The following KIAA0825 variants were observed in gnomAD, a reference collection of about 807,000 sequenced individuals.
KIAA0825 encodes KIAA0825.
Under a neutral mutation model 147.6 loss-of-function variants are expected in KIAA0825, and 119 were observed. The ratio of observed to expected loss-of-function variants is 0.81; its 90% CI spans 0.69 to 0.94. The LOEUF (loss-of-function observed/expected upper bound fraction) is 0.94, where lower values mean the gene tolerates loss of function less well. Among genes scored for constraint, KIAA0825 ranks in the 40% least tolerant of loss-of-function variants. The pLI, the probability that KIAA0825 is intolerant of heterozygous loss-of-function variation, is 0.00. For synonymous variants in KIAA0825, 470 were observed against 518.1 expected, an observed-to-expected ratio of 0.91 and a Z score of 1.26; for missense variants, 1,381 against 1,472.7, an observed-to-expected ratio of 0.94 and a Z score of 1.02.
intron 2 of KIAA0825, among the ~76,000 whole-genome samples, chr5:94,552,410 C>T (rs1293699643): frequency 6.6e-6 from 1 of 152,046 alleles, no homozygotes; most frequent in East Asian, 1.9e-4. Context: ...ACAAAATAGA[C>T]CTAATAGATA....
At chr5:94,557,455 G>A (rs1235211312) in intron 2 of KIAA0825, among the ~76,000 whole-genome samples, 1 of 149,824 alleles carries the variant, frequency 6.7e-6, no homozygotes, top group African/African-American at 2.5e-5. Flanking sequence ...GATATACAAT[G>A]AGGGTCCATT....
intron 20 of KIAA0825, among the ~76,000 whole-genome samples, chr5:94,210,462 G>A (rs1413815507): frequency 2.0e-5 from 3 of 152,132 alleles, no homozygotes; most frequent in Non-Finnish European, 4.4e-5. Flanking sequence ...ATGTAACAGT[G>A]AACTCATCAA....
intron 1 of KIAA0825, among the ~76,000 whole-genome samples, chr5:94,592,152 C>A (rs756706953): frequency 5.9e-5 from 9 of 152,186 alleles, no homozygotes; most frequent in Non-Finnish European, 1.5e-5. Flanking sequence ...CTCATTTCAG[C>A]ATTAACTCAA....
At chr5:94,375,581 C>T (rs779861624) in intron 20 of KIAA0825, among the ~76,000 whole-genome samples, 2 of 152,116 alleles carry the variant, frequency 1.3e-5, no homozygotes, top group Non-Finnish European at 2.9e-5. Context: ...GTCAATTTCT[C>T]AAATTCTAAC....
intron 20 of KIAA0825, among the ~76,000 whole-genome samples, chr5:94,220,078 TTC>T (rs1773548682): frequency 6.6e-6 from 1 of 152,216 alleles, no homozygotes; most frequent in Admixed American, 6.5e-5. Flanking sequence ...GTGCAAAAAA[TTC>T]TTTCTCCATA....
chr5:94,561,946 A>C (rs1777629036), intron 2 of KIAA0825, among the ~76,000 whole-genome samples: 2 of 152,214 alleles, frequency 1.3e-5, no homozygotes, highest in African/African-American at 4.8e-5. Flanking sequence ...TATTAAACAG[A>C]AAAAAGTCAC....
intron 15 of KIAA0825, among the ~76,000 whole-genome samples, chr5:94,407,070 A>G (rs1270210987): frequency 2.0e-5 from 3 of 152,224 alleles, no homozygotes; most frequent in African/African-American, 7.2e-5. Context: ...AAGAAATAAA[A>G]GAAAAGAAAA....
intron 15 of KIAA0825, among the ~76,000 whole-genome samples, chr5:94,412,690 C>T (rs181387990): frequency 2.6e-5 from 4 of 151,998 alleles, no homozygotes; most frequent in Admixed American, 1.3e-4. Flanking sequence ...TGAGCCACCA[C>T]GCCCGGCCAG....
At chr5:94,266,772 TAATTGGTTTATTGTTA>T (rs1776755388) in intron 20 of KIAA0825, among the ~76,000 whole-genome samples, 1 of 152,210 alleles carries the variant, frequency 6.6e-6, no homozygotes, top group Non-Finnish European at 1.5e-5. Context: ...TGTTAATATG[TAATTGGTTTATTGTTA>T]TTTTCAAGTG....
At chr5:94,435,051 T>C (rs1652710662) in intron 14 of KIAA0825, among the ~76,000 whole-genome samples, 1 of 152,138 alleles carries the variant, frequency 6.6e-6, no homozygotes, top group Admixed American at 6.6e-5. Context: ...TATTTCTGCA[T>C]TTTTATTCCT....
At chr5:94,504,746 C>CTTTTTTT (rs564291886) in intron 5 of KIAA0825, among the ~76,000 whole-genome samples, 14 of 122,976 alleles carry the variant, frequency 1.1e-4, no homozygotes, top group Non-Finnish European at 1.6e-4. Flanking sequence ...TTTTTCTTTT[C>CTTTTTTT]TTTTTTTTTT....
chr5:94,451,680 CA>C (rs1226313092), intron 13 of KIAA0825, among the ~76,000 whole-genome samples: 1 of 152,112 alleles, frequency 6.6e-6, no homozygotes, highest in Non-Finnish European at 1.5e-5. Context: ...TGCTGATTTC[CA>C]GGACTCTAGC....
intron 20 of KIAA0825, among the ~76,000 whole-genome samples, chr5:94,348,095 A>C (rs138759414): frequency 2.2e-3 from 331 of 152,262 alleles, no homozygotes; most frequent in African/African-American, 7.6e-3. Flanking sequence ...ACAAAGACAA[A>C]GAAAAAAGAA....
chr5:94,456,962 T>C (rs182188599), intron 12 of KIAA0825, among the ~76,000 whole-genome samples: 3 of 152,314 alleles, frequency 2.0e-5, no homozygotes, highest in Admixed American at 6.5e-5. Flanking sequence ...TGACAAACCA[T>C]TGGCAATATG....
chr5:94,509,907 C>A (rs1766247571), intron 5 of KIAA0825, among the ~76,000 whole-genome samples: 1 of 152,132 alleles, frequency 6.6e-6, no homozygotes, highest in Non-Finnish European at 1.5e-5. Flanking sequence ...AAAAGTACAT[C>A]CTCTTCAGAT....
intron 1 of KIAA0825, among the ~76,000 whole-genome samples, chr5:94,587,422 A>G (rs1005067570): frequency 6.6e-6 from 1 of 152,228 alleles, no homozygotes; most frequent in Non-Finnish European, 1.5e-5. Context: ...GAGCCAAATC[A>G]TGAGTGAAAT....
At chr5:94,559,320 C>T (rs1439049564) in intron 2 of KIAA0825, among the ~76,000 whole-genome samples, 6 of 152,168 alleles carry the variant, frequency 3.9e-5, no homozygotes, top group Non-Finnish European at 8.8e-5. Context: ...AAGATCCCTT[C>T]TCTCCTAACT....
intron 7 of KIAA0825, among the ~76,000 whole-genome samples, chr5:94,475,347 G>T (rs1761748211): frequency 6.6e-6 from 1 of 152,114 alleles, no homozygotes; most frequent in South Asian, 2.1e-4. Flanking sequence ...ATATGTCCTA[G>T]TGGAAAATGT....
At chr5:94,596,776 T>C (rs1381661706) in intron 1 of KIAA0825, among the ~76,000 whole-genome samples, 1 of 152,194 alleles carries the variant, frequency 6.6e-6, no homozygotes, top group East Asian at 1.9e-4. Flanking sequence ...TAATTGTCAT[T>C]GTAGAGATCT....
Sources: gnomAD v4.1 joint callset for allele counts (sites outside exome capture counted in the v4.1 genomes callset) on GRCh38, gnomAD v4.1.1 for gene constraint, MANE v1.5 for transcripts, NCBI Gene and HGNC (gene_info 2026-07-23, HGNC 2026-07-21) for gene names.